LRRN2: variants seen among roughly 807,000 people sequenced by gnomAD.
The protein encoded by LRRN2 is leucine rich repeat neuronal 2, also known as leucine-rich repeat neuronal protein 2.
In LRRN2, 10 loss-of-function variants were observed where a neutral mutation model predicts 35.7. That is an observed-to-expected ratio of 0.28 (90% CI 0.17 to 0.47). The LOEUF (loss-of-function observed/expected upper bound fraction) is 0.47, where lower values mean the gene tolerates loss of function less well. LRRN2 is among the 20% of genes least tolerant of loss of function. The pLI, the probability that LRRN2 is intolerant of heterozygous loss-of-function variation, is 0.99. For synonymous variants in LRRN2, 391 were observed against 409.6 expected (o/e 0.95, Z 0.55); for missense variants, 731 against 940.3 (o/e 0.78, Z 2.91).
At chr1:204,632,086 T>C (rs1247749133) in intron 1 of LRRN2, among the ~76,000 whole-genome samples, 1 of 151,532 alleles carries the variant, frequency 6.6e-6, no homozygotes, top group East Asian at 2.0e-4. Context: ...ACAAAACACC[T>C]ATGTGGGTGT....
In LRRN2 at chr1:204,619,294, C is replaced by T. The variant is rs1666658960; in HGVS notation, c.699G>A (p.Leu233=). ...MNLREISDYA[L]EGLQSLESLS... is the part of the protein sequence containing the mutation. ...GGCTCTCCAGGCTTTGCAGCCCCTC[C>T]AGGGCATAGTCGGAGATCTCCCGCA... is the stretch of plus-strand genomic sequence containing the variant. Residue 233 remains leucine (L), a synonymous_variant, in exon 2 of 2, where the codon CTG becomes CTA. Coordinates refer to ENST00000367177, the MANE Select transcript of LRRN2 (RefSeq NM_201630.2). 1.2e-6 allele frequency: 2 copies of T among 1,614,086 alleles called. No individual in the cohort carries two copies. The highest frequency in any genetic ancestry group is 1.6e-4 in the Middle Eastern group (1 of 6,084).
intron 1 of LRRN2, among the ~76,000 whole-genome samples, chr1:204,677,716 G>C (rs1668855939): frequency 6.6e-6 from 1 of 152,146 alleles, no homozygotes; most frequent in Non-Finnish European, 1.5e-5. Flanking sequence ...AACGGCCGGA[G>C]CTGGAAATGG....
At chr1:204,677,470 G>C (rs942492352) in intron 1 of LRRN2, among the ~76,000 whole-genome samples, 1 of 152,190 alleles carries the variant, frequency 6.6e-6, no homozygotes, top group Non-Finnish European at 1.5e-5. Context: ...CCCTCATGGG[G>C]GTGGAAGTTT....
intron 1 of LRRN2, among the ~76,000 whole-genome samples, chr1:204,662,481 A>C (rs1668491837): frequency 6.6e-6 from 1 of 152,212 alleles, no homozygotes; most frequent in Admixed American, 6.5e-5. Flanking sequence ...CACAACTCAC[A>C]GTGGAATCTG....
chr1:204,664,316 G>A, intron 1 of LRRN2: 1 of 152,570 alleles, frequency 6.6e-6, no homozygotes, highest in Non-Finnish European at 1.5e-5. Flanking sequence ...AGCTGCCCCG[G>A]CACCTCTGCA....
At chr1:204,638,453 C>T (rs558713403) in intron 1 of LRRN2, among the ~76,000 whole-genome samples, 104 of 127,468 alleles carry the variant, frequency 8.2e-4, no homozygotes, top group African/African-American at 2.9e-3. Context: ...GCTCTGTCGC[C>T]CAGGCTGGAG....
chr1:204,684,502 G>A (rs899583800), intron 1 of LRRN2, among the ~76,000 whole-genome samples: 1 of 152,156 alleles, frequency 6.6e-6, no homozygotes, highest in Admixed American at 6.5e-5. Flanking sequence ...TTCTCCGCTC[G>A]GCCCCAGATG....
At chr1:204,626,964 T>C (rs1667429951) in intron 1 of LRRN2, 2 of 152,082 alleles carry the variant, frequency 1.3e-5, no homozygotes, top group Non-Finnish European at 2.9e-5. Flanking sequence ...TCTTTTTTTT[T>C]TTGCCTAGGG....
At chr1:204,661,719 G>A (rs1668476388) in intron 1 of LRRN2, among the ~76,000 whole-genome samples, 1 of 152,190 alleles carries the variant, frequency 6.6e-6, no homozygotes, top group Admixed American at 6.5e-5. Context: ...GAGGGCTCCC[G>A]GATGCCCTTG....
chr1:204,645,755 C>T (rs1398771070), intron 1 of LRRN2, among the ~76,000 whole-genome samples: 1 of 152,142 alleles, frequency 6.6e-6, no homozygotes, highest in Non-Finnish European at 1.5e-5. Context: ...AAGCAAGAAC[C>T]TTCTTCACAG....
At chr1:204,648,532 A>G (rs1300258921) in intron 1 of LRRN2, among the ~76,000 whole-genome samples, 2 of 152,170 alleles carry the variant, frequency 1.3e-5, no homozygotes, top group African/African-American at 4.8e-5. Context: ...CATACCAACA[A>G]TGAGGTCCTC....
rs766765820 is a variant in LRRN2, at chr1:204,618,495, G to A, written c.1498C>T (p.Gln500Ter). Residue 500 changes from glutamine to a stop codon, truncating the protein, a stop_gained, in exon 2 of 2, where the codon CAG (glutamine) becomes TAG (stop). Coordinates refer to ENST00000367177, the MANE Select transcript of LRRN2 (RefSeq NM_201630.2). LOFTEE classifies it high-confidence loss of function. ...TTAGTGTCAGCCCCCACCAGGTTCTGGGCCACACAGGTGTATAGCCCTGCC... is the reference window on the plus strand; with the variant it reads ...TTAGTGTCAGCCCCCACCAGGTTCTAGGCCACACAGGTGTATAGCCCTGCC... ...EEAGLYTCVAQNLVGADTKTV... is the reference protein window; with the variant it reads ...EEAGLYTCVA 6.2e-7 allele frequency: 1 copy of A among 1,614,228 alleles called. No homozygotes were observed. Among genetic ancestry groups the A allele is most frequent in the Non-Finnish European group, 8.5e-7 (1 of 1,180,042 alleles).
At position 204,618,282 on chromosome 1, in the gene LRRN2, C is replaced by T. The variant is rs1666521906; in HGVS notation, c.1711G>A (p.Ala571Thr). ...ASSLRGQGAT[A>T]LARLPRGTHS... is the part of the protein sequence containing the mutation. The stretch of plus-strand genomic sequence containing the variant: ...GTTCCCCGAGGCAGGCGGGCCAGAG[C>T]TGTGGCCCCCTGGCCCCGGAGGGAG... Residue 571 changes from alanine (A) to threonine (T), a missense_variant, in exon 2 of 2, where the codon GCT becomes ACT. Transcript: ENST00000367177. The T allele has an allele frequency of 1.2e-6, 2 of 1,603,596 alleles. No homozygotes were observed. Among genetic ancestry groups the T allele is most frequent in the African/African-American group, 1.3e-5 (1 of 74,836 alleles).
chr1:204,638,927 TG>T (rs1046024991), intron 1 of LRRN2, among the ~76,000 whole-genome samples: 5 of 152,216 alleles, frequency 3.3e-5, no homozygotes, highest in Non-Finnish European at 7.4e-5. Flanking sequence ...GGAAGGGTTT[TG>T]GGGGCTCCGT....
At position 204,618,409 on chromosome 1, in the gene LRRN2, C is replaced by T; in HGVS notation, c.1584G>A (p.Gly528=). 1.9e-6 allele frequency: 3 copies of T among 1,613,720 alleles called. No individual in the cohort carries two copies. The highest frequency in any genetic ancestry group is 2.5e-6 in the Non-Finnish European group (3 of 1,179,706). Residue 528 remains glycine, a synonymous_variant, in exon 2 of 2, where the codon GGG becomes GGA. Transcript: ENST00000367177. ...LLQPGRDEGQ[G]LELRVQETHP... ...GGGTCTCCTGCACCCGGAGCTCCAG[C>T]CCCTGTCCTTCGTCCCTGCCTGGCT...
At position 204,625,222 on chromosome 1, in the gene LRRN2, C is replaced by T. The variant is rs183121964; in HGVS notation, c.-226-5004G>A. On this transcript the variant is annotated intron_variant, in intron 1 of 1. Coordinates refer to ENST00000367177, the MANE Select transcript of LRRN2 (RefSeq NM_201630.2). Reference sequence around the variant, plus strand: ...ACTTAACCTTTCGAGCCCCAAATCCCTGAGCTGGGAATGGGGATAATGCCT... The same window carrying T: ...ACTTAACCTTTCGAGCCCCAAATCCTTGAGCTGGGAATGGGGATAATGCCT... Among the ~76,000 whole-genome samples the T allele has an allele frequency of 1.2e-3, 188 of 152,332 alleles. 2 individuals are homozygous for T. The highest frequency in any genetic ancestry group is 1.4e-3 in the Non-Finnish European group (97 of 68,026).
chr1:204,672,364 T>C (rs1668733219), intron 1 of LRRN2, among the ~76,000 whole-genome samples: 2 of 152,280 alleles, frequency 1.3e-5, no homozygotes, highest in African/African-American at 4.8e-5. Flanking sequence ...CCGGCTAAGA[T>C]AGGGCTCCCC....
chr1:204,666,179 C>A (rs1668571211), intron 1 of LRRN2, among the ~76,000 whole-genome samples: 1 of 152,160 alleles, frequency 6.6e-6, no homozygotes. Context: ...ATTTACTGCC[C>A]CAATTTTCCT....
chr1:204,660,437 G>C (rs943161461), intron 1 of LRRN2, among the ~76,000 whole-genome samples: 2 of 152,130 alleles, frequency 1.3e-5, no homozygotes, highest in African/African-American at 4.8e-5. Context: ...GTAAATAGCA[G>C]ATGTCCAAAA....
Sources: gnomAD v4.1 joint callset for allele counts (sites outside exome capture counted in the v4.1 genomes callset) on GRCh38, gnomAD v4.1.1 for gene constraint, MANE v1.5 for transcripts, NCBI Gene and HGNC (gene_info 2026-07-23, HGNC 2026-07-21) for gene names.